Variants in MYBL2 observed in about 807,000 individuals in gnomAD.
MYBL2 encodes myb-related protein B.
Under a neutral mutation model 79.9 loss-of-function variants are expected in MYBL2, and 28 were observed. The ratio of observed to expected loss-of-function variants is 0.35; its 90% CI spans 0.26 to 0.48. The LOEUF is 0.48. Ranked by LOEUF, MYBL2 falls within the 20% of genes least tolerant of loss-of-function variation. The pLI, the probability that MYBL2 is intolerant of heterozygous loss-of-function variation, is 0.99. For synonymous variants in MYBL2, 378 were observed against 361.2 expected (o/e 1.05, Z -0.53); for missense variants, 735 against 893.9 (o/e 0.82, Z 2.27).
chr20:43,683,959 C>T (rs1050218306), intron 4 of MYBL2, among the ~76,000 whole-genome samples: 10 of 151,822 alleles, frequency 6.6e-5, no homozygotes, highest in Admixed American at 3.3e-4. Context: ...GGCGGGGGTT[C>T]GCTCTGTCAC....
chr20:43,688,086 G>A (rs1407127842), intron 5 of MYBL2, among the ~76,000 whole-genome samples: 1 of 150,022 alleles, frequency 6.7e-6, no homozygotes, highest in African/African-American at 2.5e-5. Context: ...TTTTTCATCT[G>A]TTTTGCTTCA....
At chr20:43,702,385 T>C in intron 7 of MYBL2, 105 bp from the exon 8 acceptor site, 1 of 1,243,802 alleles carries the variant, frequency 8.0e-7, no homozygotes, top group South Asian at 1.4e-5. Context: ...TGATTGGTCC[T>C]GGGCTGTGGG....
intron 1 of MYBL2, among the ~76,000 whole-genome samples, chr20:43,668,797 C>G (rs2145702777): frequency 6.6e-6 from 1 of 151,510 alleles, no homozygotes; most frequent in South Asian, 2.1e-4. Flanking sequence ...AAGTGATCTT[C>G]CCAACTCAGC....
chr20:43,707,210 AAAAAG>A (rs1987811911), intron 9 of MYBL2, among the ~76,000 whole-genome samples: 1 of 151,572 alleles, frequency 6.6e-6, no homozygotes, highest in South Asian at 2.1e-4. Context: ...AAAAAAGAGA[AAAAAG>A]AAATCAGTCT....
intron 6 of MYBL2, 23 bp from the exon 7 acceptor site, chr20:43,699,734 T>C (rs1389414026): frequency 6.2e-7 from 1 of 1,611,750 alleles, no homozygotes; most frequent in Non-Finnish European, 8.5e-7. Flanking sequence ...GAAATGCAAA[T>C]GGTGTATTCT....
chr20:43,694,166 A>G (rs1198920318), intron 6 of MYBL2, among the ~76,000 whole-genome samples: 1 of 151,532 alleles, frequency 6.6e-6, no homozygotes, highest in African/African-American at 2.4e-5. Flanking sequence ...CCCCGTCTCT[A>G]CTAAAAGTAC....
intron 2 of MYBL2, among the ~76,000 whole-genome samples, chr20:43,677,732 C>T (rs1442608851): frequency 4.7e-5 from 7 of 149,556 alleles, no homozygotes; most frequent in East Asian, 2.0e-4. Flanking sequence ...AGGTGAGGGG[C>T]GCCTCTGCCC....
At position 43,673,833 on chromosome 20, in the gene MYBL2, G is replaced by T; in HGVS notation, c.48G>T (p.Gln16His). ...AGGATCTGGATGAGCTGCACTACCA[G>T]GACACAGATTCAGATGTGCCGGAGC... ...RCEDLDELHY[Q>H]DTDSDVPEQR... Residue 16 changes from glutamine (Q) to histidine (H), a missense_variant, in exon 2 of 14, where the codon CAG becomes CAT. This residue lies in a region of MYBL2 where 79 missense variants were observed against 86.7 expected (regional missense o/e 0.91). Transcript: ENST00000217026. The T allele has an allele frequency of 6.4e-7, 1 of 1,562,232 alleles. No homozygotes were observed. The highest frequency in any genetic ancestry group is 8.7e-7 in the Non-Finnish European group (1 of 1,152,088).
At chr20:43,681,292 C>G (rs565445466) in intron 2 of MYBL2, among the ~76,000 whole-genome samples, 171 of 152,224 alleles carry the variant, frequency 1.1e-3, no homozygotes, top group African/African-American at 3.7e-3. Flanking sequence ...CTGTAGCAGG[C>G]AAAGAGAACT....
chr20:43,705,407 A>G (rs952101703), intron 9 of MYBL2, 49 bp downstream of exon 9: 2 of 1,544,746 alleles, frequency 1.3e-6, no homozygotes, highest in East Asian at 2.4e-5. Context: ...CCTCAGCAAC[A>G]CCAGACCATG....
chr20:43,673,548 G>T (rs989230110), intron 1 of MYBL2: 13 of 518,740 alleles, frequency 2.5e-5, no homozygotes, highest in Non-Finnish European at 4.8e-5. Context: ...GGGGCGGGAC[G>T]ATCATTTGAG....
At chr20:43,709,336 G>A (rs573598754) in intron 9 of MYBL2, among the ~76,000 whole-genome samples, 6 of 152,210 alleles carry the variant, frequency 3.9e-5, no homozygotes, top group Non-Finnish European at 8.8e-5. Flanking sequence ...CAGCCCTGGC[G>A]CTCTGGGGCG....
At chr20:43,696,930 T>A (rs1041899229) in intron 6 of MYBL2, among the ~76,000 whole-genome samples, 21 of 152,300 alleles carry the variant, frequency 1.4e-4, no homozygotes, top group African/African-American at 5.1e-4. Flanking sequence ...TTTCACCATG[T>A]TGGCCAGGAT....
Position 43,667,307 on chromosome 20 carries a change from A to G in MYBL2, c.20+4A>G. The G allele has an allele frequency of 8.1e-7, 1 of 1,228,950 alleles. No homozygotes were observed. Among genetic ancestry groups the G allele is most frequent in the Non-Finnish European group, 1.0e-6 (1 of 985,250 alleles). 76.1% of individuals were successfully genotyped at this position (1,228,950 alleles called of 1,614,324 possible). On this transcript the variant is annotated splice_donor_region_variant and intron_variant, in intron 1 of 13. Coordinates refer to ENST00000217026, the MANE Select transcript of MYBL2 (RefSeq NM_002466.4). ...GGATGTCTCGGCGGACGCGCTGGTG[A>G]GACGAGCCGGGAGGGCTTGGGCCCC...
At chr20:43,700,074 C>T in intron 7 of MYBL2, 30 bp downstream of exon 7, 1 of 1,602,076 alleles carries the variant, frequency 6.2e-7, no homozygotes, top group Non-Finnish European at 8.5e-7. Flanking sequence ...TCACAGTGAG[C>T]ACAGAACACC....
At position 43,692,224 on chromosome 20, in the gene MYBL2, T is replaced by C. The variant is rs1377705052; in HGVS notation, c.568T>C (p.Leu190=). Residue 190 remains leucine, a synonymous_variant, in exon 6 of 14, where the codon TTG becomes CTG. Transcript: ENST00000217026. ...AAGGAAGGTGGACACAGGAGGCTTC[T>C]TGAGCGAGTCCAAAGACTGCAAGCC... ...IKRKVDTGGF[L]SESKDCKPPV... 2 of 1,614,048 alleles carry C rather than the reference T, an allele frequency of 1.2e-6. No individual in the cohort carries two copies. Among genetic ancestry groups the C allele is most frequent in the Non-Finnish European group, 1.7e-6 (2 of 1,180,046 alleles).
At chr20:43,680,849 A>G (rs62226206) in intron 2 of MYBL2, among the ~76,000 whole-genome samples, 4,065 of 152,270 alleles carry the variant, frequency 0.027, 67 homozygotes, top group Non-Finnish European at 0.037. Context: ...TATATAATTA[A>G]CTACAACCAT....
At chr20:43,674,234 C>CTCT (rs1986948276) in intron 2 of MYBL2, among the ~76,000 whole-genome samples, 1 of 72,230 alleles carries the variant, frequency 1.4e-5, no homozygotes, top group Admixed American at 1.7e-4. Flanking sequence ...TCCCCCCACC[C>CTCT]TTTTTTTTTT....
chr20:43,673,736 C>A, intron 1 of MYBL2, 70 bp from the exon 2 acceptor site: 1 of 1,487,216 alleles, frequency 6.7e-7, no homozygotes, highest in Non-Finnish European at 9.3e-7. Flanking sequence ...CTGGCCGCTG[C>A]CTACACGTTC....
Sources: gnomAD v4.1 joint callset for allele counts (sites outside exome capture counted in the v4.1 genomes callset) on GRCh38, gnomAD v4.1.1 for gene constraint, gnomAD v4.1.1 regional missense constraint, MANE v1.5 for transcripts, NCBI Gene and HGNC (gene_info 2026-07-23, HGNC 2026-07-21) for gene names.